The following LASP1 variants were observed in gnomAD, a reference collection of about 807,000 sequenced individuals.
LASP1 encodes the protein LIM and SH3 protein 1, also known as LIM and SH3 domain protein 1.
LASP1 carries 10 observed loss-of-function variants against 38.6 expected under a neutral mutation model. The ratio of observed to expected loss-of-function variants is 0.26; its 90% confidence interval spans 0.16 to 0.44. The LOEUF is 0.44. Among genes scored for constraint, LASP1 ranks in the 20% least tolerant of loss-of-function variants. The pLI, the probability that LASP1 is intolerant of heterozygous loss-of-function variation, is 1.00. For synonymous variants in LASP1, 132 were observed against 140.8 expected (o/e 0.94, Z 0.44); for missense variants, 243 against 375.7 (o/e 0.65, Z 2.92).
intron 2 of LASP1, 135 bp downstream of exon 2, chr17:38,878,315 C>T (rs928250837): frequency 3.1e-6 from 2 of 642,678 alleles, no homozygotes; most frequent in African/African-American, 3.6e-5. Context: ...CACAGTTTGT[C>T]CTCACAACAG....
In LASP1 at chr17:38,921,574, G is replaced by A. The variant is rs145505782; in HGVS notation, c.*2796G>A. 376 of 233,182 alleles carry A rather than the reference G, an allele frequency of 1.6e-3. 2 individuals carry two copies. Among genetic ancestry groups the A allele is most frequent in the African/African-American group, 8.0e-3 (362 of 45,392 alleles). 14.4% of individuals were successfully genotyped at this position (233,182 alleles called of 1,614,324 possible). A position where few individuals can be genotyped will look rare whatever the true frequency, so the allele number is the denominator to read the frequency against. Reference sequence around the variant, plus strand: ...TTCATCCGTGTGTATGTGTATGTGTGTGAGTGTGTGAAGCCGCCAGTTCAT... The same window carrying A: ...TTCATCCGTGTGTATGTGTATGTGTATGAGTGTGTGAAGCCGCCAGTTCAT... On this transcript the variant is annotated 3_prime_UTR_variant, in exon 7 of 7. Transcript: ENST00000318008.
Position 38,919,058 on chromosome 17 carries a change from T to TTGGCC in LASP1, c.*283_*287dup, listed in dbSNP as rs371151688. The TTGGCC allele has an allele frequency of 9.8e-5, 31 of 315,284 alleles. No homozygotes were observed. The highest frequency in any genetic ancestry group is 7.7e-4 in the African/African-American group (28 of 36,526). The allele number at this position is 315,284 out of a possible 1,614,324, so 19.5% of individuals were successfully genotyped here. On this transcript the variant is annotated 3_prime_UTR_variant, in exon 7 of 7. Transcript: ENST00000318008. Reference sequence around the variant, plus strand: ...AGGCAGGGCTGGAATGGGAGACCTGTTGGCCTGTGGGCCTCACCTGCCCCT... The same window carrying TTGGCC: ...AGGCAGGGCTGGAATGGGAGACCTGTTGGCCTGGCCTGTGGGCCTCACCTGCCCCT...
At chr17:38,886,615 C>G (rs949672026) in intron 2 of LASP1, among the ~76,000 whole-genome samples, 2 of 152,104 alleles carry the variant, frequency 1.3e-5, no homozygotes, top group African/African-American at 4.8e-5. Context: ...CCTGCCAACC[C>G]CACCCAAGGT....
Position 38,920,545 on chromosome 17 carries a change from G to C in LASP1, c.*1767G>C. Reference sequence around the variant, plus strand: ...AACCAGGCCCTGCCATTGGCCTCTTGTCCCTTGGCACACTTGTACCCACAG... The same window carrying C: ...AACCAGGCCCTGCCATTGGCCTCTTCTCCCTTGGCACACTTGTACCCACAG... On this transcript the variant is annotated 3_prime_UTR_variant, in exon 7 of 7. Transcript: ENST00000318008. The C allele has an allele frequency of 3.9e-6, 1 of 254,704 alleles. No individual in the cohort carries two copies. The highest frequency in any genetic ancestry group is 7.7e-6 in the Non-Finnish European group (1 of 129,228). The allele number at this position is 254,704 out of a possible 1,614,324, so 15.8% of individuals were successfully genotyped here.
Position 38,870,274 on chromosome 17 carries a change from G to C in LASP1, c.69+16G>C. On this transcript the variant is annotated intron_variant, in intron 1 of 6. Transcript: ENST00000318008. Reference sequence around the variant, plus strand: ...TCTGGATAAGGTGAGCCCGGGACCGGGAGACGCGTCTTTGCAATCCCCCGC... The same window carrying C: ...TCTGGATAAGGTGAGCCCGGGACCGCGAGACGCGTCTTTGCAATCCCCCGC... 1.2e-6 allele frequency: 2 copies of C among 1,613,200 alleles called. No individual in the cohort carries two copies. The highest frequency in any genetic ancestry group is 1.7e-6 in the Non-Finnish European group (2 of 1,179,442).
chr17:38,881,873 G>C (rs925313802), intron 2 of LASP1, among the ~76,000 whole-genome samples: 3 of 152,238 alleles, frequency 2.0e-5, no homozygotes, highest in Non-Finnish European at 4.4e-5. Flanking sequence ...TTTCCCTGTG[G>C]TTTCTCAAGA....
chr17:38,911,995 A>C (rs1413414300), intron 4 of LASP1, among the ~76,000 whole-genome samples: 1 of 152,110 alleles, frequency 6.6e-6, no homozygotes, highest in Non-Finnish European at 1.5e-5. Context: ...GGTTTCACCA[A>C]GTTGGCCAGG....
At chr17:38,915,272 A>C (rs780952059) in intron 6 of LASP1, 126 bp downstream of exon 6, 339 of 738,604 alleles carry the variant, frequency 4.6e-4, no homozygotes, top group East Asian at 9.3e-4. Context: ...TAAGGATCTC[A>C]GCCTTGTGAG....
Position 38,918,879 on chromosome 17 carries a change from C to A in LASP1, c.*101C>A. 7.5e-7 allele frequency: 1 copy of A among 1,328,596 alleles called. No homozygotes were observed. 82.3% of individuals were successfully genotyped at this position (1,328,596 alleles called of 1,614,324 possible). ...CAGTGTCTCTGTTTTTTAAAACCTGCGACAGCTTGTGATTCCTACCCCTCT... is the reference window on the plus strand; with the variant it reads ...CAGTGTCTCTGTTTTTTAAAACCTGAGACAGCTTGTGATTCCTACCCCTCT... On this transcript the variant is annotated 3_prime_UTR_variant, in exon 7 of 7. Coordinates refer to ENST00000318008, the MANE Select transcript of LASP1 (RefSeq NM_006148.4). The surrounding 1 kb of genome is among the most constrained non-coding windows in gnomAD (Gnocchi z 4.4).
In LASP1 at chr17:38,876,654, G is replaced by A. The variant is rs540883466; in HGVS notation, c.70-1432G>A. On this transcript the variant is annotated intron_variant, in intron 1 of 6. Transcript: ENST00000318008. Reference sequence around the variant, plus strand: ...GCTCGGATTATAGGCGTGAGCCACCGCTCCCGGCTAGATCTGTTCTCTTTC... The same window carrying A: ...GCTCGGATTATAGGCGTGAGCCACCACTCCCGGCTAGATCTGTTCTCTTTC... 2.6e-4 allele frequency among the ~76,000 whole-genome samples: 39 copies of A among 151,946 alleles called. 2 individuals carry two copies. Among genetic ancestry groups the A allele is most frequent in the Middle Eastern group, 6.8e-3 (2 of 294 alleles).
chr17:38,918,705 G>A lies in LASP1; in HGVS notation c.713G>A (p.Gly238Asp). Reference protein sequence around the residue: ...TIVNVQQIDDGWMYGTVERTG... With the variant: ...TIVNVQQIDDDWMYGTVERTG... ...GTCAACGTGCAGCAGATCGACGACG[G>A]CTGGATGTACGGGACGGTGGAGCGC... The change falls in exon 7 of 7, where the codon GGC (glycine) becomes GAC (aspartate). Residue 238 changes from glycine (G) to aspartate (D), a missense_variant. This residue lies in a region of LASP1 where 165 missense variants were observed against 210.3 expected (regional missense o/e 0.78). Coordinates refer to ENST00000318008, the MANE Select transcript of LASP1 (RefSeq NM_006148.4). This position sits in a 1 kb window ranked among gnomAD's most constrained non-coding sequence, Gnocchi z 4.4. 1 of 1,614,138 alleles carries A rather than the reference G, an allele frequency of 6.2e-7. No individual in the cohort carries two copies. Among genetic ancestry groups the A allele is most frequent in the Middle Eastern group, 1.6e-4 (1 of 6,062 alleles).
chr17:38,889,453 T>C (rs530527040), intron 2 of LASP1, among the ~76,000 whole-genome samples: 18 of 152,142 alleles, frequency 1.2e-4, no homozygotes, highest in Non-Finnish European at 2.1e-4. Context: ...TTACTATAGA[T>C]TGAGCAGCCC....
intron 4 of LASP1, among the ~76,000 whole-genome samples, chr17:38,905,530 C>CAAAAAA (rs35515925): frequency 1.2e-4 from 11 of 93,120 alleles, no homozygotes; most frequent in African/African-American, 2.5e-4. Context: ...GACTCCATCT[C>CAAAAAA]AAAAAAAAAA....
intron 4 of LASP1, among the ~76,000 whole-genome samples, chr17:38,912,172 T>C (rs747027490): frequency 6.6e-6 from 1 of 152,232 alleles, no homozygotes; most frequent in Non-Finnish European, 1.5e-5. Flanking sequence ...CCACCTGATA[T>C]ATGCGTGCCT....
chr17:38,870,517 C>T (rs1348171051), intron 1 of LASP1, among the ~76,000 whole-genome samples: 1 of 152,094 alleles, frequency 6.6e-6, no homozygotes, highest in African/African-American at 2.4e-5. Flanking sequence ...GTTGGGAGGA[C>T]GGGAGAGGAG....
intron 4 of LASP1, among the ~76,000 whole-genome samples, chr17:38,911,828 CTG>C: frequency 6.6e-6 from 1 of 152,152 alleles, no homozygotes; most frequent in East Asian, 1.9e-4. Flanking sequence ...GAGTCTCACT[CTG>C]TCACCCAGGC....
At chr17:38,872,489 C>T (rs949784624) in intron 1 of LASP1, among the ~76,000 whole-genome samples, 3 of 152,156 alleles carry the variant, frequency 2.0e-5, no homozygotes, top group Non-Finnish European at 4.4e-5. Flanking sequence ...GGAGAGACCT[C>T]GCCCCCTGTA....
At chr17:38,880,777 C>A (rs17590228) in intron 2 of LASP1, among the ~76,000 whole-genome samples, 19,149 of 152,224 alleles carry the variant, frequency 0.13, 1,257 homozygotes, top group Non-Finnish European at 0.14. Flanking sequence ...GCTCTCTGGA[C>A]GTGTCTGAGC....
At chr17:38,892,558 A>G (rs1392154354) in intron 3 of LASP1, among the ~76,000 whole-genome samples, 3 of 141,612 alleles carry the variant, frequency 2.1e-5, no homozygotes. Flanking sequence ...GGAGACACAC[A>G]CACACACACA....
Sources: gnomAD v4.1 joint callset for allele counts (sites outside exome capture counted in the v4.1 genomes callset) on GRCh38, gnomAD v4.1.1 for gene constraint, gnomAD v4.1.1 regional missense constraint, Gnocchi (gnomAD v3.1) non-coding constraint, MANE v1.5 for transcripts, NCBI Gene and HGNC (gene_info 2026-07-23, HGNC 2026-07-21) for gene names.